LARP4B: variants seen among roughly 807,000 people sequenced by gnomAD.
LARP4B encodes la-related protein 4B.
A neutral mutation model predicts 89.8 loss-of-function variants in LARP4B; 12 were observed. The ratio of observed to expected loss-of-function variants is 0.13; its 90% CI spans 0.09 to 0.22. The LOEUF is 0.22. LARP4B is among the 10% of genes least tolerant of loss of function. LARP4B has a pLI of 1.00. For missense variants in LARP4B, 757 were observed against 947.7 expected, an observed-to-expected ratio of 0.80 and a Z score of 2.64; for synonymous variants, 367 against 363.3, an observed-to-expected ratio of 1.01 and a Z score of -0.12.
chr10:870,075 G>A (rs1835124111), intron 3 of LARP4B: 1 of 984,882 alleles, frequency 1.0e-6, no homozygotes. Context: ...GGTAGCTGAG[G>A]AGTGTTTTCT....
the LARP4B span, among the ~76,000 whole-genome samples, chr10:982,207 C>A: frequency 6.6e-6 from 1 of 150,792 alleles, no homozygotes; most frequent in African/African-American, 2.4e-5. Flanking sequence ...CCTCCTGCCT[C>A]AAGCAATTTT....
At chr10:879,592 G>T (rs1345629772) in intron 3 of LARP4B, among the ~76,000 whole-genome samples, 1 of 152,086 alleles carries the variant, frequency 6.6e-6, no homozygotes, top group African/African-American at 2.4e-5. Flanking sequence ...CGACCTGCTG[G>T]GCTCAAGCAA....
At chr10:945,614 G>GGAGGCGGAGCTT in the LARP4B span, among the ~76,000 whole-genome samples, 1 of 151,866 alleles carries the variant, frequency 6.6e-6, no homozygotes, top group Non-Finnish European at 1.5e-5. Context: ...GGTGAACCCG[G>GGAGGCGGAGCTT]GAGGCGGAGC....
At chr10:919,704 CACAAAGGTGACGGGTATGA>C (rs1159995050) in intron 1 of LARP4B, among the ~76,000 whole-genome samples, 7 of 152,220 alleles carry the variant, frequency 4.6e-5, no homozygotes, top group African/African-American at 1.7e-4. Flanking sequence ...AGTTCCTCTA[CACAAAGGTGACGGGTATGA>C]ACACAGGTGT....
chr10:833,246 C>A, intron 8 of LARP4B, among the ~76,000 whole-genome samples: 1 of 52,176 alleles, frequency 1.9e-5, no homozygotes, highest in Admixed American at 2.9e-4. Context: ...AGCTGATGAG[C>A]TTTAAAAAAA....
At chr10:862,325 G>A (rs1296826294) in intron 5 of LARP4B, among the ~76,000 whole-genome samples, 1 of 145,204 alleles carries the variant, frequency 6.9e-6, no homozygotes, top group Non-Finnish European at 1.5e-5. Flanking sequence ...TTAAGTGACA[G>A]TTTCTGACTT....
chr10:958,337 C>T, the LARP4B span, among the ~76,000 whole-genome samples: 21 of 151,824 alleles, frequency 1.4e-4, no homozygotes, highest in South Asian at 2.1e-4. Flanking sequence ...TGCACCTGGG[C>T]GCAGACACCC....
chr10:855,054 C>T (rs1430059681), intron 5 of LARP4B, among the ~76,000 whole-genome samples: 1 of 152,210 alleles, frequency 6.6e-6, no homozygotes, highest in East Asian at 1.9e-4. Flanking sequence ...TCTTCTGCAG[C>T]TTCCTCACCT....
intron 8 of LARP4B, among the ~76,000 whole-genome samples, chr10:831,606 G>C (rs1445814634): frequency 6.6e-6 from 1 of 152,164 alleles, no homozygotes; most frequent in Non-Finnish European, 1.5e-5. Context: ...CTCACCAAGA[G>C]AGGAATGGTT....
Position 817,906 on chromosome 10 carries a change from C to T in LARP4B, c.1531-17G>A. ...CTGGCTGCTCTGCAACAGAATGACA[C>T]CCCAGGGTCACGGTATGGAGAGAGA... On this transcript the variant is annotated splice_polypyrimidine_tract_variant and intron_variant, in intron 14 of 17. Transcript: ENST00000316157. The T allele has an allele frequency of 6.2e-7, 1 of 1,608,534 alleles. No individual in the cohort carries two copies. Among genetic ancestry groups the T allele is most frequent in the East Asian group, 2.2e-5 (1 of 44,738 alleles).
intron 2 of LARP4B, among the ~76,000 whole-genome samples, chr10:885,368 T>G (rs1362100420): frequency 6.6e-6 from 1 of 152,210 alleles, no homozygotes; most frequent in Non-Finnish European, 1.5e-5. Flanking sequence ...GTTTCTTTGG[T>G]TCTTCCTTTG....
intron 3 of LARP4B, among the ~76,000 whole-genome samples, chr10:864,765 C>A (rs1834809804): frequency 1.3e-5 from 2 of 152,276 alleles, no homozygotes; most frequent in African/African-American, 4.8e-5. Flanking sequence ...ACCAGCTTGG[C>A]CAACATGGAG....
the LARP4B span, among the ~76,000 whole-genome samples, chr10:965,449 G>T: frequency 6.6e-6 from 1 of 152,016 alleles, no homozygotes; most frequent in Non-Finnish European, 1.5e-5. Context: ...CCCGTTTCTC[G>T]GTTACACAAT....
At chr10:900,418 G>GTTTT (rs1265812633) in intron 1 of LARP4B, among the ~76,000 whole-genome samples, 8 of 40,452 alleles carry the variant, frequency 2.0e-4, no homozygotes, top group African/African-American at 3.9e-4. Flanking sequence ...AAAGAAGGAT[G>GTTTT]TCTTTTTTTT....
At chr10:807,073 TACACCG>T (rs1831584783), downstream of LARP4B, 1 of 152,236 alleles carries the variant, frequency 6.6e-6, no homozygotes, top group South Asian at 2.1e-4. Flanking sequence ...AACGGCACGT[TACACCG>T]ACAGGAGTGA....
chr10:860,125 G>GAATA (rs1834520906), intron 5 of LARP4B, among the ~76,000 whole-genome samples: 1 of 102,798 alleles, frequency 9.7e-6, no homozygotes, highest in Non-Finnish European at 2.2e-5. Flanking sequence ...CATGTGTGGG[G>GAATA]GTGGGGGGGA....
the LARP4B span, among the ~76,000 whole-genome samples, chr10:978,302 C>T: frequency 4.6e-5 from 7 of 152,220 alleles, no homozygotes; most frequent in East Asian, 1.3e-3. Context: ...TACAGAGAAA[C>T]GAGTTTCTCT....
intron 13 of LARP4B, 103 bp from the exon 14 acceptor site, chr10:820,948 C>A: frequency 1.0e-6 from 1 of 967,918 alleles, no homozygotes; most frequent in South Asian, 1.5e-5. Flanking sequence ...TCAATTCAGT[C>A]TTTATCACTT....
the LARP4B span, among the ~76,000 whole-genome samples, chr10:961,602 G>A: frequency 1.5e-4 from 21 of 137,844 alleles, no homozygotes; most frequent in South Asian, 4.5e-3. Context: ...GTCCACTCAT[G>A]GCGGCGTGGT....
Sources: gnomAD v4.1 joint callset for allele counts (sites outside exome capture counted in the v4.1 genomes callset) on GRCh38, gnomAD v4.1.1 for gene constraint, MANE v1.5 for transcripts, NCBI Gene and HGNC (gene_info 2026-07-23, HGNC 2026-07-21) for gene names.